The following C12orf42 variants were observed in gnomAD, a reference collection of about 807,000 sequenced individuals.
C12orf42 encodes the protein uncharacterized protein C12orf42.
A neutral mutation model predicts 21.6 loss-of-function variants in C12orf42; 25 were observed. The observed-to-expected ratio is 1.16, with a 90% confidence interval of 0.84 to 1.62. C12orf42 has a LOEUF of 1.62. C12orf42 is among the 40% of genes most tolerant of loss of function. C12orf42 has a pLI of 0.00. For synonymous variants in C12orf42, 174 were observed against 175.0 expected (o/e 0.99, Z 0.05); for missense variants, 483 against 459.3 (o/e 1.05, Z -0.47).
At chr12:103,401,748 T>C (rs2048020675) in intron 2 of C12orf42, 73 bp from the exon 3 acceptor site, 6 of 1,423,536 alleles carry the variant, frequency 4.2e-6, no homozygotes, top group Non-Finnish European at 4.9e-6. Flanking sequence ...ATTCCTGAGA[T>C]GGTTTTTAGG....
chr12:103,445,989 A>G (rs372552685), intron 2 of C12orf42, among the ~76,000 whole-genome samples: 1 of 152,028 alleles, frequency 6.6e-6, no homozygotes, highest in Non-Finnish European at 1.5e-5. Flanking sequence ...AGATAAGTCC[A>G]TAGTTTCATC....
chr12:103,291,463 G>A (rs960839232), intron 4 of C12orf42, among the ~76,000 whole-genome samples: 7 of 152,194 alleles, frequency 4.6e-5, no homozygotes, highest in African/African-American at 1.7e-4. Flanking sequence ...AAGTTTATTA[G>A]AGCAACAGAG....
chr12:103,301,783 C>T (rs141305012), downstream of C12orf42, among the ~76,000 whole-genome samples: 65 of 152,208 alleles, frequency 4.3e-4, no homozygotes, highest in East Asian at 0.011. Flanking sequence ...CGTTTACCTG[C>T]GAAAGCAAAA....
the C12orf42 span, chr12:103,164,730 C>T: frequency 6.6e-6 from 3 of 455,438 alleles, no homozygotes; most frequent in Non-Finnish European, 1.3e-5. Context: ...GATGAATACT[C>T]CTTTATTTAT....
At chr12:103,215,716 C>T in the C12orf42 span, among the ~76,000 whole-genome samples, 1 of 152,198 alleles carries the variant, frequency 6.6e-6, no homozygotes, top group Non-Finnish European at 1.5e-5. Context: ...AAAGTGCACC[C>T]TCCAACCTAG....
At chr12:103,313,108 T>C (rs1243689864) in intron 4 of C12orf42, among the ~76,000 whole-genome samples, 1 of 152,190 alleles carries the variant, frequency 6.6e-6, no homozygotes, top group Admixed American at 6.5e-5. Context: ...TAGAGGCAAT[T>C]GTCCTAAAAG....
chr12:103,475,513 G>T (rs986919534), intron 2 of C12orf42, among the ~76,000 whole-genome samples: 2 of 152,128 alleles, frequency 1.3e-5, no homozygotes. Context: ...CTCTCTCACC[G>T]AAAAAGAGTG....
At chr12:103,193,892 A>T in the C12orf42 span, among the ~76,000 whole-genome samples, 1 of 152,182 alleles carries the variant, frequency 6.6e-6, no homozygotes, top group Non-Finnish European at 1.5e-5. Context: ...ACTATAGGCC[A>T]TTATCCTTGA....
At chr12:103,485,572 A>G (rs1280991925) in intron 1 of C12orf42, among the ~76,000 whole-genome samples, 3 of 152,124 alleles carry the variant, frequency 2.0e-5, no homozygotes, top group African/African-American at 7.2e-5. Context: ...CAGTATGGCC[A>G]TTTTCATGAT....
At chr12:103,239,352 G>A (rs971097922) in intron 10 of C12orf42, among the ~76,000 whole-genome samples, 7 of 151,890 alleles carry the variant, frequency 4.6e-5, no homozygotes, top group African/African-American at 1.5e-4. Context: ...AACTATAATC[G>A]GACTCCTTCT....
At chr12:103,487,511 G>A (rs1020511676) in intron 1 of C12orf42, among the ~76,000 whole-genome samples, 4 of 152,196 alleles carry the variant, frequency 2.6e-5, no homozygotes, top group Non-Finnish European at 5.9e-5. Flanking sequence ...GGATATCCTT[G>A]TTAACCTTCT....
At chr12:103,443,568 A>G (rs539770826) in intron 2 of C12orf42, among the ~76,000 whole-genome samples, 3 of 152,274 alleles carry the variant, frequency 2.0e-5, no homozygotes, top group Admixed American at 1.3e-4. Flanking sequence ...TGCCAAAAAT[A>G]TAAATTTTTA....
At chr12:103,341,423 T>C (rs1311543442) in intron 4 of C12orf42, among the ~76,000 whole-genome samples, 1 of 151,660 alleles carries the variant, frequency 6.6e-6, no homozygotes, top group African/African-American at 2.4e-5. Flanking sequence ...CAATTGGAGG[T>C]CACAAAAGAG....
intron 5 of C12orf42, chr12:103,277,072 T>C (rs1046847203): frequency 1.1e-5 from 5 of 453,308 alleles, no homozygotes; most frequent in African/African-American, 1.0e-4. Context: ...ACTAATCAAG[T>C]TTGGGAAGAT....
At chr12:103,308,856 G>A (rs1308094638) in intron 4 of C12orf42, among the ~76,000 whole-genome samples, 1 of 152,158 alleles carries the variant, frequency 6.6e-6, no homozygotes, top group African/African-American at 2.4e-5. Context: ...AATAAGAAAA[G>A]AAAACAGAGA....
At chr12:103,506,777 G>A in the C12orf42 span, among the ~76,000 whole-genome samples, 1 of 127,550 alleles carries the variant, frequency 7.8e-6, no homozygotes. Context: ...GAAGAGGCAT[G>A]CAACAAAGTG....
At chr12:103,115,954 C>G in the C12orf42 span, among the ~76,000 whole-genome samples, 1 of 152,166 alleles carries the variant, frequency 6.6e-6, no homozygotes, top group Non-Finnish European at 1.5e-5. Context: ...ATTTGTGAAA[C>G]AATGGATCGA....
intron 2 of C12orf42, among the ~76,000 whole-genome samples, chr12:103,454,976 G>T (rs149700941): frequency 6.6e-6 from 1 of 152,202 alleles, no homozygotes; most frequent in South Asian, 2.1e-4. Context: ...AGGATACAAT[G>T]AGTTACTTTA....
At chr12:103,552,799 T>A in the C12orf42 span, among the ~76,000 whole-genome samples, 6 of 152,288 alleles carry the variant, frequency 3.9e-5, no homozygotes, top group East Asian at 5.8e-4. Flanking sequence ...AAAAGAGGTT[T>A]CATTGACTCA....
Sources: gnomAD v4.1 joint callset for allele counts (sites outside exome capture counted in the v4.1 genomes callset) on GRCh38, gnomAD v4.1.1 for gene constraint, MANE v1.5 for transcripts, NCBI Gene and HGNC (gene_info 2026-07-23, HGNC 2026-07-21) for gene names.